DAO: variants seen among roughly 807,000 people sequenced by gnomAD.
DAO encodes the protein D-amino-acid oxidase.
A neutral mutation model predicts 50.1 loss-of-function variants in DAO; 51 were observed. The ratio of observed to expected loss-of-function variants is 1.02; its 90% CI spans 0.81 to 1.29. The LOEUF (loss-of-function observed/expected upper bound fraction) is 1.29. DAO is among the 50% of genes most tolerant of loss of function. DAO has a pLI of 0.00. For missense variants in DAO, 436 were observed against 439.4 expected (o/e 0.99, Z 0.07); for synonymous variants, 160 against 166.2 (o/e 0.96, Z 0.29).
rs2039510105 is a variant in DAO at position 108,893,111 on chromosome 12, G to A, written c.507+75G>A. On this transcript the variant is annotated intron_variant, in intron 6 of 10. Transcript: ENST00000228476. ...CCTCTGCTTCTTGCTGCTGAGTCGG[G>A]GGCTCCCTTCTCAGGCTCCTAGGGT... 4.3e-6 allele frequency: 6 copies of A among 1,410,612 alleles called. No individual in the cohort carries two copies. The South Asian group carries it at 5.9e-5, about 14-fold the overall frequency. 87.4% of individuals were successfully genotyped at this position (1,410,612 alleles called of 1,614,324 possible).
At chr12:108,893,637 A>G (rs1338031279) in intron 6 of DAO, among the ~76,000 whole-genome samples, 2 of 152,116 alleles carry the variant, frequency 1.3e-5, no homozygotes, top group Admixed American at 6.5e-5. Flanking sequence ...GGTCGACCCA[A>G]TGCAGTCCTC....
rs191013111 is a variant in DAO, at chr12:108,891,167, G to A, written c.452+894G>A. On this transcript the variant is annotated intron_variant, in intron 5 of 10. Transcript: ENST00000228476. ...TATTACTGTTTTTTAAAGATTTTTAGGCCAGGCATGGTGGTTCATACCTGT... is the reference window on the plus strand; with the variant it reads ...TATTACTGTTTTTTAAAGATTTTTAAGCCAGGCATGGTGGTTCATACCTGT... 9.7e-3 allele frequency among the ~76,000 whole-genome samples: 1,470 copies of A among 152,042 alleles called. 10 individuals are homozygous for A. Among genetic ancestry groups the A allele is most frequent in the Admixed American group, 0.013 (194 of 15,262 alleles).
chr12:108,894,571 T>C (rs112967246), intron 7 of DAO, among the ~76,000 whole-genome samples: 1 of 152,176 alleles, frequency 6.6e-6, no homozygotes, highest in African/African-American at 2.4e-5. Context: ...GAAGCATGCA[T>C]GTATGCGCTT....
intron 2 of DAO, 32 bp downstream of exon 2, chr12:108,885,232 T>G (rs1226001503): frequency 6.2e-7 from 1 of 1,602,726 alleles, no homozygotes. Context: ...TAGCCTGGGG[T>G]GCCCATGGAC....
intron 1 of DAO, among the ~76,000 whole-genome samples, chr12:108,884,132 G>C (rs2039409447): frequency 6.6e-6 from 1 of 152,270 alleles, no homozygotes; most frequent in Non-Finnish European, 1.5e-5. Context: ...TGTGCCCCAA[G>C]GCAGGTGGAG....
chr12:108,896,562 A>C (rs1378795984), intron 7 of DAO, among the ~76,000 whole-genome samples: 1 of 152,004 alleles, frequency 6.6e-6, no homozygotes, highest in African/African-American at 2.4e-5. Context: ...CCCTTAGGGA[A>C]GAAAGCCTAA....
chr12:108,887,717 C>A (rs1334872555), intron 3 of DAO, among the ~76,000 whole-genome samples, 153 bp downstream of exon 3: 1 of 152,160 alleles, frequency 6.6e-6, no homozygotes, highest in Non-Finnish European at 1.5e-5. Flanking sequence ...GGTTTAAATT[C>A]TATTTTTGCT....
chr12:108,884,819 C>T (rs1323054563), intron 1 of DAO, among the ~76,000 whole-genome samples, 179 bp from the exon 2 acceptor site: 1 of 152,152 alleles, frequency 6.6e-6, no homozygotes, highest in Non-Finnish European at 1.5e-5. Flanking sequence ...CTCAGTGTTT[C>T]CATTTGCAAA....
At chr12:108,897,750 C>T (rs2039575256) in intron 8 of DAO, among the ~76,000 whole-genome samples, 1 of 152,062 alleles carries the variant, frequency 6.6e-6, no homozygotes, top group Non-Finnish European at 1.5e-5. Flanking sequence ...GAGTTCAAGA[C>T]CAGCTTGGGC....
In DAO at chr12:108,900,484, G is replaced by C; in HGVS notation, c.993G>C (p.Gly331=). Residue 331 remains glycine, a synonymous_variant, in exon 11 of 11, where the codon GGG becomes GGC. Coordinates refer to ENST00000228476, the MANE Select transcript of DAO (RefSeq NM_001917.5). ...CCCTGGAGGCAGCCAAGCTCTTTGG[G>C]AGAATCCTGGAAGAAAAGAAATTGT... ...GCALEAAKLF[G]RILEEKKLSR... is the part of the protein sequence containing the mutation. 6.2e-7 allele frequency: 1 copy of C among 1,614,156 alleles called. No homozygotes were observed. The highest frequency in any genetic ancestry group is 8.5e-7 in the Non-Finnish European group (1 of 1,180,026).
At chr12:108,885,256 G>A (rs1203719367) in intron 2 of DAO, 56 bp downstream of exon 2, 7 of 1,541,366 alleles carry the variant, frequency 4.5e-6, no homozygotes, top group Non-Finnish European at 6.2e-6. Context: ...AGTCTGCAGA[G>A]GGAGTCAGGG....
chr12:108,899,027 G>C (rs1171912099), intron 9 of DAO, among the ~76,000 whole-genome samples: 2 of 152,208 alleles, frequency 1.3e-5, no homozygotes, highest in African/African-American at 4.8e-5. Flanking sequence ...GTCTGCGAGT[G>C]ATGATGACAG....
Position 108,897,124 on chromosome 12 carries a change from C to A in DAO, c.695+36C>A, listed in dbSNP as rs766992423. The A allele has an allele frequency of 2.8e-6, 4 of 1,440,592 alleles. No homozygotes were observed. The South Asian group carries it at 4.6e-5, about 16-fold the overall frequency. The allele number at this position is 1,440,592 out of a possible 1,614,324, so 89.2% of individuals were successfully genotyped here. On this transcript the variant is annotated intron_variant, in intron 8 of 10. Transcript: ENST00000228476. ...ACTGTTCTCGGGCAGAAGAGTGGTCCCCTTCATGCCCTCTTCATGACCCTG... is the reference window on the plus strand; with the variant it reads ...ACTGTTCTCGGGCAGAAGAGTGGTCACCTTCATGCCCTCTTCATGACCCTG...
chr12:108,893,477 C>G (rs2039513227), intron 6 of DAO, among the ~76,000 whole-genome samples: 1 of 152,060 alleles, frequency 6.6e-6, no homozygotes, highest in Admixed American at 6.6e-5. Flanking sequence ...CAGGCACCAG[C>G]AAAAAGAGCT....
chr12:108,885,711 CAT>C (rs1324358762), intron 2 of DAO, among the ~76,000 whole-genome samples: 2 of 152,200 alleles, frequency 1.3e-5, no homozygotes, highest in Admixed American at 1.3e-4. Flanking sequence ...GTCAATACCA[CAT>C]GATTGGTGAA....
At chr12:108,887,636 C>G in intron 3 of DAO, 72 bp downstream of exon 3, 3 of 1,088,754 alleles carry the variant, frequency 2.8e-6, no homozygotes, top group Non-Finnish European at 4.3e-6. Flanking sequence ...TGCAGCAGAG[C>G]CTTAATCACA....
chr12:108,896,066 C>T lies in DAO; in HGVS notation c.613-940C>T, dbSNP rs146935313. On this transcript the variant is annotated intron_variant, in intron 7 of 10. Coordinates refer to ENST00000228476, the MANE Select transcript of DAO (RefSeq NM_001917.5). ...AAAAAGTGAGAGAAGGGTGTAGCAG[C>T]GAGAGAATGATTGCATACTTGTGAA... Among the ~76,000 whole-genome samples, 708 of 151,288 alleles carry T rather than the reference C, an allele frequency of 4.7e-3. 3 individuals are homozygous for T. Among genetic ancestry groups the T allele is most frequent in the Admixed American group, 1.0e-2 (151 of 15,166 alleles).
intron 1 of DAO, among the ~76,000 whole-genome samples, chr12:108,881,557 A>T (rs1019224209): frequency 4.6e-5 from 7 of 151,282 alleles, no homozygotes; most frequent in South Asian, 2.1e-4. Context: ...GAATTTTTTT[A>T]AAAAAAGATA....
intron 7 of DAO, among the ~76,000 whole-genome samples, chr12:108,896,681 GA>G (rs1370726924): frequency 6.6e-6 from 1 of 152,180 alleles, no homozygotes; most frequent in Non-Finnish European, 1.5e-5. Context: ...CTGGGGCCAA[GA>G]GGGGGTCTGT....
Sources: gnomAD v4.1 joint callset for allele counts (sites outside exome capture counted in the v4.1 genomes callset) on GRCh38, gnomAD v4.1.1 for gene constraint, MANE v1.5 for transcripts, NCBI Gene and HGNC (gene_info 2026-07-23, HGNC 2026-07-21) for gene names.